The following CA6 variants were observed in gnomAD, a reference collection of about 807,000 sequenced individuals.
The protein encoded by CA6 is carbonic anhydrase 6, also known as carbonate dehydratase VI.
In CA6, 28 loss-of-function variants were observed where a neutral mutation model predicts 35.9. The observed-to-expected ratio is 0.78, with a 90% CI of 0.58 to 1.07. CA6 has a LOEUF of 1.07. Among genes scored for constraint, CA6 ranks in the 50% least tolerant of loss-of-function variants. The pLI is 0.00. For missense variants in CA6, 377 were observed against 382.0 expected (o/e 0.99, Z 0.11); for synonymous variants, 148 against 152.6 (o/e 0.97, Z 0.22).
chr1:8,966,986 T>TAA lies in CA6; in HGVS notation c.572-666_572-665dup, dbSNP rs35048690. On this transcript the variant is annotated intron_variant, in intron 5 of 7. Transcript: ENST00000377443. ...CTGCATTTATTATTTAAAAAAATAA[T>TAA]AAAAAAAACAACTTATTGTAGAGAC... 8.5e-3 allele frequency among the ~76,000 whole-genome samples: 1,290 copies of TAA among 151,564 alleles called. 17 individuals are homozygous for TAA. The highest frequency in any genetic ancestry group is 0.029 in the African/African-American group (1,213 of 41,176).
intron 4 of CA6, among the ~76,000 whole-genome samples, chr1:8,961,611 G>T (rs956284514): frequency 6.6e-6 from 1 of 152,086 alleles, no homozygotes; most frequent in Non-Finnish European, 1.5e-5. Flanking sequence ...GGCAGTAAAG[G>T]TGGACCAATG....
At chr1:8,959,095 A>T in intron 4 of CA6, 93 bp downstream of exon 4, 1 of 724,068 alleles carries the variant, frequency 1.4e-6, no homozygotes, top group Non-Finnish European at 2.5e-6. Context: ...CTTCTTTATT[A>T]TCACTCTTCA....
chr1:8,962,502 G>T, intron 4 of CA6, 85 bp from the exon 5 acceptor site: 1 of 1,144,214 alleles, frequency 8.7e-7, no homozygotes, highest in Non-Finnish European at 1.3e-6. Context: ...GGCCCAATCC[G>T]CTAGAAAGCT....
intron 4 of CA6, among the ~76,000 whole-genome samples, chr1:8,961,687 A>C (rs1639846299): frequency 6.6e-6 from 1 of 151,712 alleles, no homozygotes; most frequent in African/African-American, 2.4e-5. Context: ...CAAGAAAGCC[A>C]AATTTATGCA....
chr1:8,970,962 A>C lies in CA6; in HGVS notation c.825A>C (p.Glu275Asp). The C allele has an allele frequency of 6.2e-7, 1 of 1,612,476 alleles. No individual in the cohort carries two copies. The highest frequency in any genetic ancestry group is 1.3e-5 in the African/African-American group (1 of 75,006). The change falls in exon 7 of 8, where the codon GAA (glutamate) becomes GAC (aspartate). Residue 275 changes from glutamate to aspartate, a missense_variant. Glu to Asp is a conservative substitution (Grantham distance 45). Coordinates refer to ENST00000377443, the MANE Select transcript of CA6 (RefSeq NM_001215.4). ...AGCCCCTGAACCACAGAGTGGTGGA[A>C]TCCAACTTCCCGAATCAGGGTGAGT... ...RTQPLNHRVV[E>D]SNFPNQEYTL...
chr1:8,946,810 T>C (rs894050078), intron 1 of CA6, among the ~76,000 whole-genome samples: 1 of 148,606 alleles, frequency 6.7e-6, no homozygotes, highest in Non-Finnish European at 1.5e-5. Context: ...TTTTTGTTTT[T>C]TTTTTTTTTT....
At position 8,951,406 on chromosome 1, in the gene CA6, C is replaced by T. The variant is rs1639529287; in HGVS notation, c.259+1964C>T. Reference sequence around the variant, plus strand: ...TGTCGAGCTCTTGTTTCCAAAGTTACTCTCTGATGCTTCCAGATTGGCAGG... The same window carrying T: ...TGTCGAGCTCTTGTTTCCAAAGTTATTCTCTGATGCTTCCAGATTGGCAGG... On this transcript the variant is annotated intron_variant, in intron 2 of 7. Transcript: ENST00000377443. The T allele has an allele frequency of 6.6e-6, 5 of 754,680 alleles. No individual in the cohort carries two copies. In the East Asian group the frequency reaches 1.2e-4, roughly 18 times the overall value. The allele number at this position is 754,680 out of a possible 1,614,324, so 46.7% of individuals were successfully genotyped here.
At chr1:8,965,356 A>T (rs1435343105) in intron 5 of CA6, among the ~76,000 whole-genome samples, 1 of 152,158 alleles carries the variant, frequency 6.6e-6, no homozygotes, top group African/African-American at 2.4e-5. Context: ...CATTGCCGGA[A>T]CTTTTTTTCG....
chr1:8,974,416 C>T, intron 7 of CA6: 1 of 1,538,740 alleles, frequency 6.5e-7, no homozygotes, highest in African/African-American at 1.4e-5. Flanking sequence ...ACACGCCACC[C>T]CTTGGCTCTG....
intron 4 of CA6, among the ~76,000 whole-genome samples, chr1:8,959,303 C>A (rs953500904): frequency 2.0e-5 from 3 of 151,800 alleles, no homozygotes; most frequent in African/African-American, 7.3e-5. Flanking sequence ...AAAGGCAACA[C>A]CTCTGCATTT....
chr1:8,973,760 CTT>C (rs1263884124), intron 7 of CA6, among the ~76,000 whole-genome samples: 5 of 21,746 alleles, frequency 2.3e-4, no homozygotes, highest in East Asian at 0.02. Context: ...TTCTTTCTTT[CTT>C]TCTTTCTTTC....
intron 1 of CA6, 142 bp from the exon 2 acceptor site, chr1:8,949,121 G>A (rs1458227881): frequency 3.5e-6 from 2 of 565,362 alleles, no homozygotes; most frequent in Admixed American, 3.8e-5. Context: ...GCCTCCTTCT[G>A]GGGGACCTGC....
At chr1:8,959,186 A>G (rs1639768848) in intron 4 of CA6, among the ~76,000 whole-genome samples, 184 bp downstream of exon 4, 1 of 152,040 alleles carries the variant, frequency 6.6e-6, no homozygotes, top group Non-Finnish European at 1.5e-5. Context: ...CAATCTCCGG[A>G]CCTTGGTTAA....
intron 2 of CA6, chr1:8,951,384 CG>C: frequency 1.3e-6 from 1 of 740,852 alleles, no homozygotes; most frequent in East Asian, 2.4e-5. Flanking sequence ...ATCATAATGT[CG>C]AGCTCTTGTT....
Position 8,967,715 on chromosome 1 carries a change from C to T in CA6, c.628C>T (p.Gln210Ter). The change falls in exon 6 of 8, where the codon CAG (glutamine) becomes TAG (stop). Residue 210 changes from glutamine to a stop codon, truncating the protein, a stop_gained. Transcript: ENST00000377443. LOFTEE classifies it high-confidence loss of function. ...TCAGGACATGCTGCCCAGGAACCTC[C>T]AGCACTACTACACCTACCATGGCTC... Reference protein sequence around the residue: ...DVQDMLPRNLQHYYTYHGSLT... With the variant: ...DVQDMLPRNL 6.2e-7 allele frequency: 1 copy of T among 1,614,062 alleles called. No homozygotes were observed. The highest frequency in any genetic ancestry group is 1.3e-5 in the African/African-American group (1 of 75,012).
chr1:8,952,939 G>A (rs1557622204), intron 2 of CA6, among the ~76,000 whole-genome samples: 1 of 152,086 alleles, frequency 6.6e-6, no homozygotes, highest in Non-Finnish European at 1.5e-5. Flanking sequence ...TTACAGGCAT[G>A]AGCCACCATG....
rs1294869302 is a variant in CA6 at position 8,973,754 on chromosome 1, T to TTC, written c.845-866_845-865dup. Among the ~76,000 whole-genome samples the TTC allele has an allele frequency of 1.4e-3, 30 of 20,988 alleles. 1 individual carries two copies. Among genetic ancestry groups the TTC allele is most frequent in the African/African-American group, 0.013 (29 of 2,300 alleles). 13.8% of individuals were successfully genotyped at this position (20,988 alleles called of 152,430 possible). On this transcript the variant is annotated intron_variant, in intron 7 of 7. Transcript: ENST00000377443. Reference sequence around the variant, plus strand: ...TTTCTTTCTTTCTTTCTTTCTTTCTTTCTTTCTTTCTTTCTTTCTTTCTTT... The same window carrying TTC: ...TTTCTTTCTTTCTTTCTTTCTTTCTTTCTCTTTCTTTCTTTCTTTCTTTCTTT...
chr1:8,945,962 T>C lies in CA6; in HGVS notation c.76T>C (p.Ser26Pro). The C allele has an allele frequency of 6.2e-7, 1 of 1,610,548 alleles. No individual in the cohort carries two copies. ...QAQHVSDWTY[S>P]EGALDEAHWP... The stretch of plus-strand genomic sequence containing the variant: ...CCAGCATGTGTCTGACTGGACCTAC[T>C]CAGGTGAGCCCCTAGCTTCTGCATG... The change falls in exon 1 of 8, where the codon TCA becomes CCA. Residue 26 changes from serine (S) to proline (P), a missense_variant. By Grantham distance (74) the Ser-to-Pro change is moderately conservative. Coordinates refer to ENST00000377443, the MANE Select transcript of CA6 (RefSeq NM_001215.4).
intron 2 of CA6, chr1:8,951,411 T>C (rs759630965): frequency 2.0e-5 from 15 of 759,724 alleles, no homozygotes; most frequent in Non-Finnish European, 3.1e-5. Flanking sequence ...AGTTACTCTC[T>C]GATGCTTCCA....
Sources: allele counts gnomAD v4.1 joint callset (sites outside exome capture counted in the v4.1 genomes callset), GRCh38; gene constraint gnomAD v4.1.1; transcripts MANE v1.5; gene names NCBI Gene and HGNC (gene_info 2026-07-23, HGNC 2026-07-21).